CTNNA2: variants seen among roughly 807,000 people sequenced by gnomAD.
CTNNA2 encodes catenin alpha 2.
A neutral mutation model predicts 101.0 loss-of-function variants in CTNNA2; 42 were observed. That is an observed-to-expected ratio of 0.42 (90% CI 0.32 to 0.54). CTNNA2 has a LOEUF of 0.54. Ranked by LOEUF, CTNNA2 falls within the 20% of genes least tolerant of loss-of-function variation. The pLI, the probability that CTNNA2 is intolerant of heterozygous loss-of-function variation, is 0.14. For synonymous variants in CTNNA2, 450 were observed against 456.4 expected (o/e 0.99, Z 0.18); for missense variants, 871 against 1,223.1 (o/e 0.71, Z 4.29).
At chr2:79,201,128 C>T (rs1674029338) in intron 2 of CTNNA2, among the ~76,000 whole-genome samples, 1 of 151,960 alleles carries the variant, frequency 6.6e-6, no homozygotes, top group East Asian at 1.9e-4. Context: ...ACATCAGAGG[C>T]TTTGTTCCCC....
At chr2:79,469,788 A>G (rs1004541501) in intron 4 of CTNNA2, among the ~76,000 whole-genome samples, 6 of 152,248 alleles carry the variant, frequency 3.9e-5, no homozygotes, top group African/African-American at 1.4e-4. Context: ...CCACATGATT[A>G]TCTCAATAGA....
At chr2:80,520,646 C>T (rs1039130194) in intron 9 of CTNNA2, among the ~76,000 whole-genome samples, 1 of 152,162 alleles carries the variant, frequency 6.6e-6, no homozygotes, top group Non-Finnish European at 1.5e-5. Flanking sequence ...TATAAAGGCA[C>T]TATTCCCATT....
At position 80,397,225 on chromosome 2, in the gene CTNNA2, A is replaced by G. The variant is rs144281496; in HGVS notation, c.1137+3934A>G. 4.7e-3 allele frequency among the ~76,000 whole-genome samples: 709 copies of G among 152,298 alleles called. 8 individuals are homozygous for G. The highest frequency in any genetic ancestry group is 0.016 in the African/African-American group (660 of 41,564). On this transcript the variant is annotated intron_variant, in intron 8 of 18. Coordinates refer to ENST00000402739, the MANE Select transcript of CTNNA2 (RefSeq NM_001282597.3). ...TGGAGAGCTTGTAAAATCACTGTCC[A>G]TAAAATGTAAACTAATTTATAACCC... is the stretch of plus-strand genomic sequence containing the variant.
chr2:79,597,403 C>T (rs1313124931), intron 1 of CTNNA2, among the ~76,000 whole-genome samples: 1 of 149,268 alleles, frequency 6.7e-6, no homozygotes, highest in Non-Finnish European at 1.5e-5. Context: ...ACCCAGGAGG[C>T]GGAGCTTGCA....
At chr2:79,910,772 A>G (rs1182377035) in intron 7 of CTNNA2, among the ~76,000 whole-genome samples, 1 of 152,180 alleles carries the variant, frequency 6.6e-6, no homozygotes, top group African/African-American at 2.4e-5. Context: ...GAAACAAAGC[A>G]GCCATTCAGT....
At chr2:79,408,247 G>A (rs1366798472) in intron 4 of CTNNA2, among the ~76,000 whole-genome samples, 1 of 151,668 alleles carries the variant, frequency 6.6e-6, no homozygotes, top group Non-Finnish European at 1.5e-5. Flanking sequence ...GACATGTGGT[G>A]AACTTTGAGA....
chr2:79,625,700 G>T (rs1573506903), intron 1 of CTNNA2, among the ~76,000 whole-genome samples: 1 of 152,160 alleles, frequency 6.6e-6, no homozygotes, highest in African/African-American at 2.4e-5. Context: ...CCAGGCTCTT[G>T]CTCCTGAGCC....
intron 2 of CTNNA2, among the ~76,000 whole-genome samples, chr2:79,663,989 G>A (rs964721104): frequency 5.9e-5 from 9 of 152,262 alleles, no homozygotes; most frequent in Admixed American, 3.3e-4. Flanking sequence ...TTTGTTTTAC[G>A]AAGATGTTGA....
chr2:80,436,627 T>G (rs557226170), intron 9 of CTNNA2, among the ~76,000 whole-genome samples: 1 of 152,238 alleles, frequency 6.6e-6, no homozygotes, highest in South Asian at 2.1e-4. Flanking sequence ...CAGAAGAAAC[T>G]TATTGCTCAC....
intron 7 of CTNNA2, among the ~76,000 whole-genome samples, chr2:79,928,584 A>C (rs957535669): frequency 5.7e-4 from 87 of 152,218 alleles, no homozygotes; most frequent in African/African-American, 2.0e-3. Flanking sequence ...AATTTGATAC[A>C]TTATTATCCA....
chr2:79,574,354 C>T (rs962216175), intron 1 of CTNNA2, among the ~76,000 whole-genome samples: 1 of 152,024 alleles, frequency 6.6e-6, no homozygotes, highest in African/African-American at 2.4e-5. Context: ...GTTTTTCAGT[C>T]CTCACCCCCC....
chr2:79,303,879 AAGAT>A (rs1456731500), intron 2 of CTNNA2, among the ~76,000 whole-genome samples: 1 of 151,938 alleles, frequency 6.6e-6, no homozygotes, highest in African/African-American at 2.4e-5. Context: ...GAGAGCGAGA[AAGAT>A]AGAGAGATAA....
intron 7 of CTNNA2, among the ~76,000 whole-genome samples, chr2:80,008,282 C>T (rs1381377841): frequency 6.6e-6 from 1 of 152,124 alleles, no homozygotes. Context: ...GTTTCCTTAT[C>T]GCTCCCGCAG....
chr2:80,049,567 C>A (rs942338270), intron 7 of CTNNA2, among the ~76,000 whole-genome samples: 4 of 152,150 alleles, frequency 2.6e-5, no homozygotes, highest in African/African-American at 9.7e-5. Flanking sequence ...TTCATAGGAA[C>A]CCAGGAACCT....
At position 79,801,463 on chromosome 2, in the gene CTNNA2, C is replaced by A. The variant is rs191851245; in HGVS notation, c.299-56550C>A. Reference sequence around the variant, plus strand: ...GGCTTGAGTTCCAGGTTATTGAGGCCCCTTGACAAATGAAGGCACTAGGGC... The same window carrying A: ...GGCTTGAGTTCCAGGTTATTGAGGCACCTTGACAAATGAAGGCACTAGGGC... On this transcript the variant is annotated intron_variant, in intron 3 of 18. Coordinates refer to ENST00000402739, the MANE Select transcript of CTNNA2 (RefSeq NM_001282597.3). 3.9e-3 allele frequency among the ~76,000 whole-genome samples: 600 copies of A among 152,172 alleles called. 1 individual carries two copies. Among genetic ancestry groups the A allele is most frequent in the Non-Finnish European group, 5.9e-3 (398 of 68,000 alleles).
At chr2:79,543,080 C>T (rs931465383) in intron 1 of CTNNA2, among the ~76,000 whole-genome samples, 3 of 152,030 alleles carry the variant, frequency 2.0e-5, no homozygotes, top group African/African-American at 7.2e-5. Context: ...TAAACTTTAG[C>T]TTACAGTGTT....
chr2:79,349,033 C>G (rs1279645490), intron 3 of CTNNA2, among the ~76,000 whole-genome samples: 1 of 152,160 alleles, frequency 6.6e-6, no homozygotes, highest in Admixed American at 6.5e-5. Context: ...AGATAGAAGT[C>G]ATGATATGCA....
At chr2:79,811,427 C>T (rs1050053128) in intron 3 of CTNNA2, among the ~76,000 whole-genome samples, 1 of 152,078 alleles carries the variant, frequency 6.6e-6, no homozygotes, top group African/African-American at 2.4e-5. Flanking sequence ...GATATTAGCC[C>T]TTTGTCAGAT....
intron 7 of CTNNA2, among the ~76,000 whole-genome samples, chr2:80,200,857 T>A (rs1573373329): frequency 7.0e-6 from 1 of 143,694 alleles, no homozygotes; most frequent in Admixed American, 6.8e-5. Flanking sequence ...TTTGCCAACC[T>A]GATAGCCTTG....
Sources: gnomAD v4.1 joint callset for allele counts (sites outside exome capture counted in the v4.1 genomes callset) on GRCh38, gnomAD v4.1.1 for gene constraint, MANE v1.5 for transcripts, NCBI Gene and HGNC (gene_info 2026-07-23, HGNC 2026-07-21) for gene names.